Variants in TENT4B observed in about 807,000 individuals in gnomAD.
TENT4B encodes the protein terminal nucleotidyltransferase 4B.
TENT4B carries 10 observed loss-of-function variants against 75.0 expected under a neutral mutation model. The observed-to-expected ratio is 0.13, with a 90% confidence interval of 0.08 to 0.23. The LOEUF (loss-of-function observed/expected upper bound fraction) is 0.23. Among genes scored for constraint, TENT4B ranks in the 10% least tolerant of loss-of-function variants. The probability of loss-of-function intolerance (pLI) is 1.00; values close to 1 mark genes in which losing one functional copy is unlikely to be tolerated. For missense variants in TENT4B, 579 were observed against 893.8 expected (o/e 0.65, Z 4.49); for synonymous variants, 350 against 357.7 (o/e 0.98, Z 0.24).
intron 1 of TENT4B, among the ~76,000 whole-genome samples, chr16:50,178,536 T>C (rs1025828892): frequency 9.2e-5 from 14 of 151,980 alleles, no homozygotes; most frequent in African/African-American, 3.4e-4. Context: ...AAAAAAAAAA[T>C]CAGAATGATG....
intron 1 of TENT4B, among the ~76,000 whole-genome samples, chr16:50,179,729 G>A (rs1009778894): frequency 2.0e-5 from 3 of 152,202 alleles, no homozygotes; most frequent in South Asian, 2.1e-4. Flanking sequence ...GAGAAGTTAA[G>A]TGACATTACC....
chr16:50,220,826 G>A (rs2150744327), intron 5 of TENT4B, among the ~76,000 whole-genome samples: 1 of 152,246 alleles, frequency 6.6e-6, no homozygotes, highest in Middle Eastern at 3.4e-3. Flanking sequence ...ACCGTGCCCA[G>A]CCCACAATGT....
chr16:50,210,325 T>C (rs2031212688), intron 1 of TENT4B, among the ~76,000 whole-genome samples: 1 of 152,266 alleles, frequency 6.6e-6, no homozygotes, highest in African/African-American at 2.4e-5. Flanking sequence ...GAGTTTGTCC[T>C]TTCTTCCAGA....
At position 50,153,990 on chromosome 16, in the gene TENT4B, C is replaced by T. The variant is rs2037834903; in HGVS notation, c.369C>T (p.Arg123=). 1 of 1,534,060 alleles carries T rather than the reference C, an allele frequency of 6.5e-7. No homozygotes were observed. The highest frequency in any genetic ancestry group is 1.4e-5 in the African/African-American group (1 of 72,910). The change falls in exon 1 of 12, where the codon CGC becomes CGT. Residue 123 remains arginine (R), a synonymous_variant. Transcript: ENST00000561678. ...NNHHQPGAWA[R]RAGSSASSPP... ...ACCACCAGCCCGGGGCCTGGGCCCG[C>T]CGGGCGGGCTCCTCGGCGTCCTCGC...
intron 4 of TENT4B, among the ~76,000 whole-genome samples, chr16:50,217,319 A>G (rs898958077): frequency 5.9e-5 from 9 of 152,232 alleles, no homozygotes; most frequent in African/African-American, 1.7e-4. Flanking sequence ...ACACCAAACA[A>G]AATTCTCGGT....
intron 5 of TENT4B, among the ~76,000 whole-genome samples, chr16:50,221,250 A>G (rs896106979): frequency 1.3e-5 from 2 of 152,068 alleles, no homozygotes; most frequent in Non-Finnish European, 2.9e-5. Flanking sequence ...AATGAGGGGG[A>G]AAAAAATGGA....
Position 50,212,095 on chromosome 16 carries a change from CTG to C in TENT4B, c.762+651_762+652del, listed in dbSNP as rs987422954. 5.3e-5 allele frequency among the ~76,000 whole-genome samples: 8 copies of C among 152,066 alleles called. No individual in the cohort carries two copies. In the South Asian group the frequency reaches 1.5e-3, roughly 28 times the overall value. ...TTTGTTTTTGAGATGGGGTCTCACT[CTG>C]TTGCTGAGGCTGGAGTGCAATAGTG... On this transcript the variant is annotated intron_variant, in intron 2 of 11. Coordinates refer to ENST00000561678, the MANE Select transcript of TENT4B (RefSeq NM_001365324.3).
chr16:50,183,113 G>T (rs111907883), intron 1 of TENT4B, among the ~76,000 whole-genome samples: 1 of 150,446 alleles, frequency 6.6e-6, no homozygotes, highest in African/African-American at 2.4e-5. Context: ...GCCCAATCTC[G>T]ACTCACCGCA....
intron 1 of TENT4B, among the ~76,000 whole-genome samples, chr16:50,198,898 A>G (rs2030457546): frequency 6.6e-6 from 1 of 152,218 alleles, no homozygotes; most frequent in Non-Finnish European, 1.5e-5. Context: ...TATATAATCA[A>G]AGTCTTTGTG....
At chr16:50,170,617 C>G (rs1194132361) in intron 1 of TENT4B, among the ~76,000 whole-genome samples, 1 of 151,762 alleles carries the variant, frequency 6.6e-6, no homozygotes, top group African/African-American at 2.4e-5. Context: ...TGCAGTTGTT[C>G]CTGGGGAAGT....
chr16:50,198,434 G>C (rs929906789), intron 1 of TENT4B, among the ~76,000 whole-genome samples: 15 of 138,836 alleles, frequency 1.1e-4, no homozygotes, highest in Non-Finnish European at 1.7e-4. Flanking sequence ...AAAAAAAAAA[G>C]AAGAAAAGGA....
In TENT4B at chr16:50,231,863, T is replaced by C. The variant is rs2032305541; in HGVS notation, c.*2535T>C. On this transcript the variant is annotated 3_prime_UTR_variant, in exon 12 of 12. Coordinates refer to ENST00000561678, the MANE Select transcript of TENT4B (RefSeq NM_001365324.3). ...CTGCTCATTTGTTTTATACATTTCA[T>C]CTATTTGACTCCTATCTTATTTCTT... 1 of 983,068 alleles carries C rather than the reference T, an allele frequency of 1.0e-6. No homozygotes were observed. The highest frequency in any genetic ancestry group is 4.7e-5 in the South Asian group (1 of 21,226). The allele number at this position is 983,068 out of a possible 1,614,324, so 60.9% of individuals were successfully genotyped here.
At chr16:50,154,888 C>G (rs540886584) in intron 1 of TENT4B, among the ~76,000 whole-genome samples, 1 of 152,224 alleles carries the variant, frequency 6.6e-6, no homozygotes, top group East Asian at 1.9e-4. Context: ...GATGCCCTGT[C>G]TATGCAGAGG....
chr16:50,178,454 GA>G (rs531771451), intron 1 of TENT4B, among the ~76,000 whole-genome samples: 7 of 149,656 alleles, frequency 4.7e-5, no homozygotes, highest in African/African-American at 1.5e-4. Context: ...CTCTTGAAAA[GA>G]AAAAAAAAGT....
In TENT4B at chr16:50,230,931, A is replaced by G; in HGVS notation, c.*1603A>G. 1 of 979,902 alleles carries G rather than the reference A, an allele frequency of 1.0e-6. No homozygotes were observed. Among genetic ancestry groups the G allele is most frequent in the Non-Finnish European group, 1.2e-6 (1 of 824,516 alleles). The allele number at this position is 979,902 out of a possible 1,614,324, so 60.7% of individuals were successfully genotyped here. Reference sequence around the variant, plus strand: ...GAGATTCTTTTATATATATATACATATAAAGTACTATTGGCTTTTAGGAGT... The same window carrying G: ...GAGATTCTTTTATATATATATACATGTAAAGTACTATTGGCTTTTAGGAGT... On this transcript the variant is annotated 3_prime_UTR_variant, in exon 12 of 12. Transcript: ENST00000561678.
intron 2 of TENT4B, among the ~76,000 whole-genome samples, chr16:50,211,728 A>G (rs1310696021): frequency 1.3e-5 from 2 of 152,224 alleles, no homozygotes; most frequent in African/African-American, 4.8e-5. Flanking sequence ...TGTAAAGAGA[A>G]GAAAGACAAA....
Position 50,234,720 on chromosome 16 carries a change from A to G in TENT4B, c.*5392A>G, listed in dbSNP as rs373111010. 7 of 985,342 alleles carry G rather than the reference A, an allele frequency of 7.1e-6. No homozygotes were observed. The South Asian group carries it at 2.8e-4, about 40-fold the overall frequency. The allele number at this position is 985,342 out of a possible 1,614,324, so 61.0% of individuals were successfully genotyped here. ...GACGTGTCAAGAGTCTCCAGTCTTT[A>G]CTACTAAAAAGCAGCACTGCCTTAA... On this transcript the variant is annotated 3_prime_UTR_variant, in exon 12 of 12. Transcript: ENST00000561678.
At chr16:50,175,856 C>T (rs998653021) in intron 1 of TENT4B, among the ~76,000 whole-genome samples, 4 of 151,948 alleles carry the variant, frequency 2.6e-5, no homozygotes, top group Non-Finnish European at 4.4e-5. Flanking sequence ...ATCAAGGCTT[C>T]GTTGCAGCCT....
chr16:50,180,708 C>CAAA (rs34092547), intron 1 of TENT4B, among the ~76,000 whole-genome samples: 3 of 126,786 alleles, frequency 2.4e-5, no homozygotes, highest in East Asian at 2.3e-4. Flanking sequence ...GACTCCATCT[C>CAAA]AAAAAAAAAA....
Sources: gnomAD v4.1 joint callset for allele counts (sites outside exome capture counted in the v4.1 genomes callset) on GRCh38, gnomAD v4.1.1 for gene constraint, MANE v1.5 for transcripts, NCBI Gene and HGNC (gene_info 2026-07-23, HGNC 2026-07-21) for gene names.